Variants in HDAC7 observed in about 807,000 individuals in gnomAD.
HDAC7 encodes the protein histone deacetylase 7.
In HDAC7, 26 loss-of-function variants were observed where a neutral mutation model predicts 115.5. The ratio of observed to expected loss-of-function variants is 0.23; its 90% CI spans 0.16 to 0.31. The LOEUF is 0.31. Ranked by LOEUF, HDAC7 falls within the 10% of genes least tolerant of loss-of-function variation. The probability of loss-of-function intolerance (pLI) is 1.00; values close to 1 mark genes in which losing one functional copy is unlikely to be tolerated. For synonymous variants in HDAC7, 564 were observed against 550.9 expected (o/e 1.02, Z -0.33); for missense variants, 1,068 against 1,329.0 (o/e 0.80, Z 3.05).
chr12:47,817,210 C>T (rs1944875892), intron 1 of HDAC7, among the ~76,000 whole-genome samples: 1 of 152,226 alleles, frequency 6.6e-6, no homozygotes. Flanking sequence ...CCTTCTCCAG[C>T]CTTGGCCTGG....
intron 2 of HDAC7, 23 bp downstream of exon 2, chr12:47,802,201 A>C (rs1944198492): frequency 6.2e-7 from 1 of 1,607,820 alleles, no homozygotes; most frequent in South Asian, 1.1e-5. Flanking sequence ...CCTACCATGG[A>C]CTCCCCCGGG....
In HDAC7 at chr12:47,783,820, C is replaced by G; in HGVS notation, c.*21G>C. The G allele has an allele frequency of 1.2e-6, 2 of 1,608,008 alleles. No individual in the cohort carries two copies. The highest frequency in any genetic ancestry group is 1.7e-6 in the Non-Finnish European group (2 of 1,177,786). Reference sequence around the variant, plus strand: ...AACCAGGTCCCAAGGGCATGGTGGGCGGGCAGATGGTTCCAGAGCCTTAGA... The same window carrying G: ...AACCAGGTCCCAAGGGCATGGTGGGGGGGCAGATGGTTCCAGAGCCTTAGA... On this transcript the variant is annotated 3_prime_UTR_variant, in exon 26 of 26. Transcript: ENST00000080059.
intron 12 of HDAC7, 78 bp downstream of exon 12, chr12:47,794,682 C>T (rs1943708918): frequency 7.1e-7 from 1 of 1,400,314 alleles, no homozygotes; most frequent in Middle Eastern, 1.9e-4. Context: ...TGTCGTATCT[C>T]CCTCCCTTCC....
chr12:47,796,087 C>T (rs1234660070), intron 8 of HDAC7, 71 bp from the exon 9 acceptor site: 17 of 1,526,380 alleles, frequency 1.1e-5, no homozygotes, highest in Non-Finnish European at 1.4e-5. Flanking sequence ...CCAGAACACC[C>T]AGGAGGCTCT....
upstream of HDAC7, among the ~76,000 whole-genome samples, chr12:47,820,170 C>T (rs191081329): frequency 1.0e-3 from 157 of 151,454 alleles, no homozygotes; most frequent in Middle Eastern, 6.8e-3. The surrounding 1 kb of genome is among the most constrained non-coding windows in gnomAD (Gnocchi z 4.3). Flanking sequence ...CCGGCCGCGG[C>T]TCCGAGCCCC....
intron 7 of HDAC7, 102 bp downstream of exon 7, chr12:47,796,915 C>G (rs1315899369): frequency 7.5e-7 from 1 of 1,325,578 alleles, no homozygotes; most frequent in Non-Finnish European, 1.0e-6. Context: ...CCACGCATGG[C>G]AGTCCTAAGG....
chr12:47,795,700 G>A lies in HDAC7; in HGVS notation c.974C>T (p.Thr325Ile). ...CAAGCCATGGGGCAGGAAGAGGGGA[G>A]TGTGGGGGCTCCCCAGGATTGGCCC... ...PRGPILGSPH[T>I]PLFLPHGLEP... Residue 325 changes from threonine to isoleucine, a missense_variant, in exon 10 of 26, where the codon ACT (threonine) becomes ATT (isoleucine). Thr to Ile is a moderately conservative substitution (Grantham distance 89). Around this residue, in one of 6 missense-constraint regions of HDAC7, gnomAD observed 618 missense variants for 701.5 expected, o/e 0.88. Coordinates refer to ENST00000080059, the MANE Select transcript of HDAC7 (RefSeq NM_015401.5). This position sits in a 1 kb window ranked among gnomAD's most constrained non-coding sequence, Gnocchi z 4.3. The A allele has an allele frequency of 4.5e-6, 7 of 1,550,524 alleles. No homozygotes were observed. The highest frequency in any genetic ancestry group is 6.1e-6 in the Non-Finnish European group (7 of 1,146,582).
rs1476240143 is a variant in HDAC7 at position 47,782,771 on chromosome 12, C to T, written c.*1070G>A. 2.0e-5 allele frequency: 3 copies of T among 152,654 alleles called. No individual in the cohort carries two copies. The highest frequency in any genetic ancestry group is 4.4e-5 in the Non-Finnish European group (3 of 68,034). 9.5% of individuals were successfully genotyped at this position (152,654 alleles called of 1,614,324 possible). A position where few individuals can be genotyped will look rare whatever the true frequency, so the allele number is the denominator to read the frequency against. On this transcript the variant is annotated 3_prime_UTR_variant, in exon 26 of 26. Coordinates refer to ENST00000080059, the MANE Select transcript of HDAC7 (RefSeq NM_015401.5). ...TGTTCAGATTTTTTTCCATTTTCTT[C>T]CTTTTTACAAAAACATGCATACATA...
chr12:47,789,458 C>G, intron 18 of HDAC7, 65 bp downstream of exon 18: 1 of 1,593,062 alleles, frequency 6.3e-7, no homozygotes, highest in East Asian at 2.2e-5. Context: ...AGAGAATGTC[C>G]CTGAAGGAAG....
chr12:47,816,907 C>T (rs902183661), intron 1 of HDAC7, among the ~76,000 whole-genome samples: 2 of 152,216 alleles, frequency 1.3e-5, no homozygotes, highest in Admixed American at 6.5e-5. Flanking sequence ...TCCCCCAGCC[C>T]GCGAGTCCAT....
chr12:47,784,386 A>C (rs1943040208), intron 24 of HDAC7, 169 bp from the exon 25 acceptor site: 2 of 680,106 alleles, frequency 2.9e-6, no homozygotes, highest in African/African-American at 3.6e-5. Flanking sequence ...CTTCGCTCCC[A>C]CTCCCGCACA....
chr12:47,783,896 G>A lies in HDAC7; in HGVS notation c.2931-10C>T. The A allele has an allele frequency of 6.2e-7, 1 of 1,613,074 alleles. No individual in the cohort carries two copies. Among genetic ancestry groups the A allele is most frequent in the Non-Finnish European group, 8.5e-7 (1 of 1,179,748 alleles). On this transcript the variant is annotated splice_polypyrimidine_tract_variant and intron_variant, in intron 25 of 25. Transcript: ENST00000080059. ...CAGCTGCTCCGAGGGCCTGTGGGGA[G>A]GGACAAGGGTGGGATGCTGGAGCAC...
intron 22 of HDAC7, chr12:47,786,122 A>C: frequency 3.9e-6 from 2 of 509,386 alleles, no homozygotes; most frequent in Non-Finnish European, 6.9e-6. Context: ...AGTGGCAGCA[A>C]GGTAGGACCT....
In HDAC7 at chr12:47,785,299, G is replaced by A. The variant is rs779540323; in HGVS notation, c.2791+88C>T. 75 of 1,112,856 alleles carry A rather than the reference G, an allele frequency of 6.7e-5. No individual in the cohort carries two copies. In the South Asian group the frequency reaches 7.9e-4, roughly 12 times the overall value. 68.9% of individuals were successfully genotyped at this position (1,112,856 alleles called of 1,614,324 possible). A position where few individuals can be genotyped will look rare whatever the true frequency, so the allele number is the denominator to read the frequency against. Reference sequence around the variant, plus strand: ...AACAGCAGGTCACCTGGCTGGCACCGGAAGCCCTAGGATCTGGCCACGGTG... The same window carrying A: ...AACAGCAGGTCACCTGGCTGGCACCAGAAGCCCTAGGATCTGGCCACGGTG... On this transcript the variant is annotated intron_variant, in intron 24 of 25. Transcript: ENST00000080059.
intron 21 of HDAC7, 130 bp downstream of exon 21, chr12:47,787,582 C>T (rs1557849): frequency 2.9e-4 from 182 of 636,440 alleles, no homozygotes; most frequent in African/African-American, 2.2e-3. Flanking sequence ...TTCTCACTGG[C>T]GTTCACCTAC....
chr12:47,795,261 TG>T lies in HDAC7; in HGVS notation c.1206del (p.Ser403ValfsTer24). On this transcript the variant is annotated frameshift_variant, in exon 11 of 26. Coordinates refer to ENST00000080059, the MANE Select transcript of HDAC7 (RefSeq NM_015401.5). LOFTEE classifies it high-confidence loss of function. The surrounding 1 kb of genome is among the most constrained non-coding windows in gnomAD (Gnocchi z 4.3). ...LSRTRSEPLP[P>X]SATAPPPPGP... The stretch of plus-strand genomic sequence containing the variant: ...CCCGGCGGTGGGGGAGCGGTGGCAC[TG>T]GGGGGCAGGGGCTCTGAGCGAGTCC... The T allele has an allele frequency of 1.2e-6, 2 of 1,611,152 alleles. No individual in the cohort carries two copies. The highest frequency in any genetic ancestry group is 1.7e-6 in the Non-Finnish European group (2 of 1,178,450).
At chr12:47,789,053 G>A (rs573179487) in intron 19 of HDAC7, 7 of 573,860 alleles carry the variant, frequency 1.2e-5, no homozygotes, top group African/African-American at 9.3e-5. Flanking sequence ...AGGGGTTTGC[G>A]ATGGCTGAAT....
At chr12:47,799,824 G>A (rs534517175) in intron 2 of HDAC7, among the ~76,000 whole-genome samples, 6 of 152,360 alleles carry the variant, frequency 3.9e-5, no homozygotes, top group African/African-American at 1.4e-4. Context: ...GGGCTGAGCA[G>A]CCAGAGAGGC....
intron 1 of HDAC7, among the ~76,000 whole-genome samples, chr12:47,808,907 G>A (rs1033540300): frequency 6.6e-6 from 1 of 152,170 alleles, no homozygotes; most frequent in African/African-American, 2.4e-5. Flanking sequence ...CTCTGCTCCA[G>A]TATCTCCAGT....
Sources: gnomAD v4.1 joint callset for allele counts (sites outside exome capture counted in the v4.1 genomes callset) on GRCh38, gnomAD v4.1.1 for gene constraint, gnomAD v4.1.1 regional missense constraint, Gnocchi (gnomAD v3.1) non-coding constraint, MANE v1.5 for transcripts, NCBI Gene and HGNC (gene_info 2026-07-23, HGNC 2026-07-21) for gene names.